The following ZGRF1 variants were observed in gnomAD, a reference collection of about 807,000 sequenced individuals.
The protein encoded by ZGRF1 is 5'-3' DNA helicase ZGRF1.
In ZGRF1, 196 loss-of-function variants were observed where a neutral mutation model predicts 203.5. The observed-to-expected ratio is 0.96, with a 90% CI of 0.86 to 1.08. The LOEUF (loss-of-function observed/expected upper bound fraction) is 1.08. ZGRF1 is among the 50% of genes least tolerant of loss of function. The pLI is 0.00. For missense variants in ZGRF1, 2,326 were observed against 2,416.3 expected, an observed-to-expected ratio of 0.96 and a Z score of 0.78; for synonymous variants, 809 against 841.3, an observed-to-expected ratio of 0.96 and a Z score of 0.66.
chr4:112,584,588 T>C (rs561185456), intron 14 of ZGRF1, among the ~76,000 whole-genome samples: 5 of 152,186 alleles, frequency 3.3e-5, no homozygotes, highest in Non-Finnish European at 5.9e-5. Context: ...GATGATACAT[T>C]TTCTACTCTG....
intron 6 of ZGRF1, among the ~76,000 whole-genome samples, chr4:112,613,089 T>G (rs955936720): frequency 6.6e-6 from 1 of 152,136 alleles, no homozygotes; most frequent in Non-Finnish European, 1.5e-5. Context: ...AGGCCAGGAT[T>G]TCAAGACCAG....
chr4:112,565,738 A>G (rs1229002621), intron 16 of ZGRF1, among the ~76,000 whole-genome samples: 1 of 152,234 alleles, frequency 6.6e-6, no homozygotes, highest in Non-Finnish European at 1.5e-5. Context: ...CAAAAAACAC[A>G]TGAAAAAATG....
intron 1 of ZGRF1, among the ~76,000 whole-genome samples, chr4:112,635,349 A>G (rs1016191959): frequency 2.0e-5 from 3 of 152,014 alleles, no homozygotes; most frequent in African/African-American, 7.2e-5. Context: ...AATAGCTACC[A>G]TTTATTCAGT....
In ZGRF1 at chr4:112,540,917, A is replaced by G. The variant is rs138152479; in HGVS notation, c.5814T>C (p.Ala1938=). The change falls in exon 26 of 28, where the codon GCT becomes GCC. Residue 1938 remains alanine (A), a synonymous_variant. Transcript: ENST00000505019. ...ATTGAATCAGCTTGAGTGTAAACGT[A>G]GCTTCTGCCACATTATGAAAGCTGT... ...RDNSFHNVAE[A]TFTLKLIQSL... The G allele has an allele frequency of 2.0e-5, 31 of 1,578,552 alleles. No individual in the cohort carries two copies. In the African/African-American group the frequency reaches 3.0e-4, roughly 15 times the overall value.
Position 112,585,726 on chromosome 4 carries a change from C to CAA in ZGRF1, c.3917-2_3917-1insTT. The CAA allele has an allele frequency of 1.5e-6, 2 of 1,372,572 alleles. No individual in the cohort carries two copies. Among genetic ancestry groups the CAA allele is most frequent in the Non-Finnish European group, 1.9e-6 (2 of 1,047,058 alleles). 85.0% of individuals were successfully genotyped at this position (1,372,572 alleles called of 1,614,324 possible). On this transcript the variant is annotated splice_acceptor_variant, in intron 13 of 27. Coordinates refer to ENST00000505019, the MANE Select transcript of ZGRF1 (RefSeq NM_018392.5). LOFTEE classifies it high-confidence loss of function. ...CCAAACAGCAATATATTTAGATGTT[C>CAA]TACAAAAAAAAAAAAAAGAGAGCAG...
chr4:112,609,649 A>G (rs1751288304), intron 7 of ZGRF1, among the ~76,000 whole-genome samples: 1 of 151,706 alleles, frequency 6.6e-6, no homozygotes. Flanking sequence ...CTACTAAAAA[A>G]TACAAAAACT....
Position 112,547,297 on chromosome 4 carries a change from T to A in ZGRF1, c.5586A>T (p.Arg1862=), listed in dbSNP as rs759374308. The change falls in exon 24 of 28, where the codon CGA becomes CGT. Residue 1862 remains arginine, a synonymous_variant. Transcript: ENST00000505019. ...CAGCAGTATGTACCATTAAGCAAAG[T>A]CGATCAAAAAGAGTTTGTTCCAATC... ...ENGLEQTLFD[R]LCLMGHKPIL... The A allele has an allele frequency of 6.2e-7, 1 of 1,612,794 alleles. No homozygotes were observed. Among genetic ancestry groups the A allele is most frequent in the South Asian group, 1.1e-5 (1 of 90,720 alleles).
intron 24 of ZGRF1, among the ~76,000 whole-genome samples, chr4:112,541,624 T>C: frequency 6.6e-6 from 1 of 150,970 alleles, no homozygotes; most frequent in Non-Finnish European, 1.5e-5. Context: ...CACCTCCTGG[T>C]TTCAAGTGAT....
At chr4:112,540,149 T>C (rs1737280711) in intron 26 of ZGRF1, 25 bp from the exon 27 acceptor site, 2 of 1,496,762 alleles carry the variant, frequency 1.3e-6, no homozygotes, top group South Asian at 1.4e-5. Flanking sequence ...ACAGCAATCA[T>C]GTAGTAAGAG....
chr4:112,562,338 ATAC>A, intron 18 of ZGRF1, 30 bp downstream of exon 18: 2 of 1,129,134 alleles, frequency 1.8e-6, no homozygotes, highest in Non-Finnish European at 2.6e-6. Flanking sequence ...CCATTTTTTA[ATAC>A]CAATGACTCA....
At chr4:112,598,986 G>A (rs936581089) in intron 10 of ZGRF1, among the ~76,000 whole-genome samples, 1 of 152,066 alleles carries the variant, frequency 6.6e-6, no homozygotes, top group Non-Finnish European at 1.5e-5. Context: ...GGGAGACAGA[G>A]GTTGCAGTGA....
Position 112,540,070 on chromosome 4 carries a change from GCACAGTTTTAATA to G in ZGRF1, c.5952_5964del (p.Ile1985ArgfsTer5). The G allele has an allele frequency of 6.2e-7, 1 of 1,600,768 alleles. No homozygotes were observed. Among genetic ancestry groups the G allele is most frequent in the Non-Finnish European group, 8.5e-7 (1 of 1,172,228 alleles). ...TGAAAAGCATCTACTGTGGACACCT[GCACAGTTTTAATA>G]TCAGGATGGTGAAAGTCCACAGCAC... On this transcript the variant is annotated frameshift_variant, in exon 27 of 28. Transcript: ENST00000505019. LOFTEE classifies it high-confidence loss of function.
chr4:112,619,966 A>G, intron 5 of ZGRF1, 36 bp downstream of exon 5: 1 of 1,453,180 alleles, frequency 6.9e-7, no homozygotes. Flanking sequence ...TTTTATAAAT[A>G]TATTTTGATA....
chr4:112,553,093 T>C (rs1740262164), intron 22 of ZGRF1, among the ~76,000 whole-genome samples: 1 of 152,230 alleles, frequency 6.6e-6, no homozygotes, highest in South Asian at 2.1e-4. Context: ...AGCTGATCAA[T>C]ACAGTGTCCC....
chr4:112,597,016 C>T (rs900361017), intron 10 of ZGRF1, among the ~76,000 whole-genome samples: 1 of 151,848 alleles, frequency 6.6e-6, no homozygotes, highest in Admixed American at 6.6e-5. Context: ...AAGTTTGAGG[C>T]CATTCTGGTC....
At position 112,617,887 on chromosome 4, in the gene ZGRF1, C is replaced by A; in HGVS notation, c.2155G>T (p.Asp719Tyr). 6.2e-7 allele frequency: 1 copy of A among 1,613,872 alleles called. No individual in the cohort carries two copies. The highest frequency in any genetic ancestry group is 1.1e-5 in the South Asian group (1 of 91,018). The change falls in exon 6 of 28, where the codon GAC becomes TAC. Residue 719 changes from aspartate (D) to tyrosine (Y), a missense_variant. Transcript: ENST00000505019. ...ACATGTTCATCATTTTTGTCTAAGT[C>A]ACTTCCCAAAATAAAAGGCTGAGGT... Reference protein sequence around the residue: ...AQPQPFILGSDLDKNDEHVLP... With the variant: ...AQPQPFILGSYLDKNDEHVLP...
In ZGRF1 at chr4:112,583,982, C is replaced by T; in HGVS notation, c.4294G>A (p.Val1432Met). The change falls in exon 15 of 28, where the codon GTG (valine) becomes ATG (methionine). Residue 1432 changes from valine (V) to methionine (M), a missense_variant. Coordinates refer to ENST00000505019, the MANE Select transcript of ZGRF1 (RefSeq NM_018392.5). ...ATTTGGTACTATAAAACATACCTCA[C>T]CAAAAGCTGGCATTCCTCATAAAGT... ...IPLYEECQLL[V>M]RKGFDFQRKQ... 1 of 1,595,960 alleles carries T rather than the reference C, an allele frequency of 6.3e-7. No homozygotes were observed. Among genetic ancestry groups the T allele is most frequent in the African/African-American group, 1.3e-5 (1 of 74,120 alleles).
At chr4:112,569,406 T>C (rs1743800471) in intron 16 of ZGRF1, among the ~76,000 whole-genome samples, 2 of 152,218 alleles carry the variant, frequency 1.3e-5, no homozygotes, top group South Asian at 4.1e-4. Flanking sequence ...GCTAATGATA[T>C]AGATGATTTA....
chr4:112,606,233 C>A, intron 8 of ZGRF1, 142 bp from the exon 9 acceptor site: 1 of 602,610 alleles, frequency 1.7e-6, no homozygotes, highest in South Asian at 2.1e-5. Flanking sequence ...TCTGTCTACA[C>A]ACACATACAA....
Sources: allele counts gnomAD v4.1 joint callset (sites outside exome capture counted in the v4.1 genomes callset), GRCh38; gene constraint gnomAD v4.1.1; transcripts MANE v1.5; gene names NCBI Gene and HGNC (gene_info 2026-07-23, HGNC 2026-07-21).